Variants in INPP4B observed in about 807,000 individuals in gnomAD.
INPP4B encodes the protein inositol polyphosphate-4-phosphatase type II B, also known as inositol polyphosphate 4-phosphatase type II.
In INPP4B, 55 loss-of-function variants were observed where a neutral mutation model predicts 122.5. That is an observed-to-expected ratio of 0.45 (90% CI 0.36 to 0.56). The LOEUF is 0.56. INPP4B is among the 20% of genes least tolerant of loss of function. The probability of loss-of-function intolerance (pLI) is 0.00; values close to 1 mark genes in which losing one functional copy is unlikely to be tolerated. For missense variants in INPP4B, 1,000 were observed against 1,097.7 expected, an observed-to-expected ratio of 0.91 and a Z score of 1.26; for synonymous variants, 403 against 388.7, an observed-to-expected ratio of 1.04 and a Z score of -0.43.
intron 7 of INPP4B, among the ~76,000 whole-genome samples, chr4:142,340,552 T>C (rs1427233630): frequency 6.6e-6 from 1 of 152,110 alleles, no homozygotes; most frequent in Non-Finnish European, 1.5e-5. Flanking sequence ...GGACTATAGA[T>C]GTGTGCCACC....
rs565578762 is a variant in INPP4B at position 142,460,684 on chromosome 4, G to C, written c.-127+1979C>G. Among the ~76,000 whole-genome samples the C allele has an allele frequency of 4.6e-5, 7 of 152,150 alleles. No homozygotes were observed. The South Asian group carries it at 1.5e-3, about 32-fold the overall frequency. ...ACAAGCCGTTTTGTCTGTAAGTTAT[G>C]AAATCCTAGGAAATTCTGTGATGTT... is the stretch of plus-strand genomic sequence containing the variant. On this transcript the variant is annotated intron_variant, in intron 3 of 25. Coordinates refer to ENST00000262992, the MANE Select transcript of INPP4B (RefSeq NM_001101669.3).
intron 2 of INPP4B, among the ~76,000 whole-genome samples, chr4:142,467,733 A>T (rs1818060796): frequency 6.6e-6 from 1 of 152,004 alleles, no homozygotes; most frequent in African/African-American, 2.4e-5. Flanking sequence ...GGGCAAAATG[A>T]TATGGTTTGG....
At chr4:142,696,145 G>A (rs1365413470) in intron 2 of INPP4B, among the ~76,000 whole-genome samples, 1 of 152,112 alleles carries the variant, frequency 6.6e-6, no homozygotes, top group East Asian at 1.9e-4. Flanking sequence ...AGTCCAGGAA[G>A]TCAAATAATG....
chr4:142,339,261 C>T (rs562368974), intron 7 of INPP4B, among the ~76,000 whole-genome samples: 2 of 152,226 alleles, frequency 1.3e-5, no homozygotes, highest in East Asian at 1.9e-4. Context: ...TTGCAAGTGC[C>T]GTCTGTTTGC....
intron 2 of INPP4B, among the ~76,000 whole-genome samples, chr4:142,603,288 A>C (rs1423430331): frequency 2.0e-5 from 3 of 152,064 alleles, no homozygotes; most frequent in Admixed American, 6.6e-5. Flanking sequence ...TGGGCTTAAT[A>C]CCTAGGTGAT....
At chr4:142,495,262 C>T (rs575076408) in intron 2 of INPP4B, among the ~76,000 whole-genome samples, 1 of 149,246 alleles carries the variant, frequency 6.7e-6, no homozygotes, top group African/African-American at 2.4e-5. Flanking sequence ...GACAATATTT[C>T]TGATTCATAA....
rs142183800 is a variant in INPP4B at position 142,761,152 on chromosome 4, A to C, written c.-253-35251T>G. ...CTAATTATTTTGCTTATATAACTACATTGTCATAAAATAAGCAATTTTTTT... is the reference window on the plus strand; with the variant it reads ...CTAATTATTTTGCTTATATAACTACCTTGTCATAAAATAAGCAATTTTTTT... On this transcript the variant is annotated intron_variant, in intron 1 of 25. Transcript: ENST00000262992. Among the ~76,000 whole-genome samples, 9 of 148,016 alleles carry C rather than the reference A, an allele frequency of 6.1e-5. No individual in the cohort carries two copies. In the East Asian group the frequency reaches 1.9e-3, roughly 31 times the overall value.
intron 7 of INPP4B, chr4:142,317,553 G>T (rs1768198880): frequency 4.4e-6 from 1 of 229,318 alleles, no homozygotes; most frequent in Non-Finnish European, 9.6e-6. Flanking sequence ...CTGACACAAA[G>T]AATTTGTCCT....
intron 2 of INPP4B, among the ~76,000 whole-genome samples, chr4:142,606,432 T>G (rs566651667): frequency 5.5e-4 from 84 of 151,894 alleles, no homozygotes; most frequent in Middle Eastern, 6.8e-3. Flanking sequence ...AATAAGCAAC[T>G]CAAGGTTTAT....
intron 2 of INPP4B, among the ~76,000 whole-genome samples, chr4:142,642,155 T>C (rs963201073): frequency 1.3e-5 from 2 of 152,226 alleles, no homozygotes; most frequent in African/African-American, 4.8e-5. Flanking sequence ...TCTTTGTAGA[T>C]TCTGGATATT....
intron 7 of INPP4B, among the ~76,000 whole-genome samples, chr4:142,352,724 G>A (rs891549260): frequency 1.3e-5 from 2 of 151,904 alleles, no homozygotes; most frequent in South Asian, 2.1e-4. Context: ...CTATGAAAGT[G>A]TAAACACTCA....
At chr4:142,403,541 A>AC (rs1802339073) in intron 6 of INPP4B, among the ~76,000 whole-genome samples, 1 of 150,268 alleles carries the variant, frequency 6.7e-6, no homozygotes, top group Non-Finnish European at 1.5e-5. Flanking sequence ...TTCAGCTATG[A>AC]TTTTTTTTTT....
At chr4:142,066,710 G>A (rs1302169932) in intron 25 of INPP4B, among the ~76,000 whole-genome samples, 1 of 152,200 alleles carries the variant, frequency 6.6e-6, no homozygotes. Context: ...CACACCCACA[G>A]AGCCTCACTC....
At position 142,093,296 on chromosome 4, in the gene INPP4B, G is replaced by C. The variant is rs367895444; in HGVS notation, c.2375-7040C>G. Among the ~76,000 whole-genome samples, 30 of 152,242 alleles carry C rather than the reference G, an allele frequency of 2.0e-4. 1 individual carries two copies. The South Asian group carries it at 6.2e-3, about 32-fold the overall frequency. On this transcript the variant is annotated intron_variant, in intron 23 of 25. Coordinates refer to ENST00000262992, the MANE Select transcript of INPP4B (RefSeq NM_001101669.3). ...CCCCCAGGTATTCTTCCTTTCATCT[G>C]AAGGTCATGGACATCATGGAGCAGA...
At chr4:142,573,045 G>T (rs1335892385) in intron 2 of INPP4B, among the ~76,000 whole-genome samples, 2 of 151,976 alleles carry the variant, frequency 1.3e-5, no homozygotes, top group African/African-American at 2.4e-5. Flanking sequence ...ACAGGCTACA[G>T]GAAGCATGGC....
At chr4:142,436,149 A>G (rs1043655360) in intron 3 of INPP4B, among the ~76,000 whole-genome samples, 1 of 152,050 alleles carries the variant, frequency 6.6e-6, no homozygotes, top group Non-Finnish European at 1.5e-5. Flanking sequence ...CTACGGCCAG[A>G]TTGCCTCTTC....
intron 2 of INPP4B, among the ~76,000 whole-genome samples, chr4:142,718,522 C>T (rs61289420): frequency 1.3e-5 from 2 of 152,214 alleles, no homozygotes; most frequent in East Asian, 1.9e-4. Context: ...CTTGTGCGTC[C>T]GCATCAGGCT....
intron 2 of INPP4B, among the ~76,000 whole-genome samples, chr4:142,530,033 T>A (rs1827398990): frequency 6.6e-6 from 1 of 152,060 alleles, no homozygotes; most frequent in African/African-American, 2.4e-5. Context: ...GAACATGCAA[T>A]AAAGGAAAAC....
At chr4:142,330,006 A>G (rs2151520799) in intron 7 of INPP4B, among the ~76,000 whole-genome samples, 1 of 152,342 alleles carries the variant, frequency 6.6e-6, no homozygotes, top group East Asian at 1.9e-4. Flanking sequence ...AAAAATTTAT[A>G]AACAAACTGA....
Sources: gnomAD v4.1 joint callset for allele counts (sites outside exome capture counted in the v4.1 genomes callset) on GRCh38, gnomAD v4.1.1 for gene constraint, MANE v1.5 for transcripts, NCBI Gene and HGNC (gene_info 2026-07-23, HGNC 2026-07-21) for gene names.